Variants in MAGI2 observed in about 807,000 individuals in gnomAD.
The protein encoded by MAGI2 is membrane associated guanylate kinase, WW and PDZ domain containing 2, also known as membrane-associated guanylate kinase, WW and PDZ domain-containing protein 2.
Under a neutral mutation model 133.3 loss-of-function variants are expected in MAGI2, and 35 were observed. That is an observed-to-expected ratio of 0.26 (90% CI 0.20 to 0.35). MAGI2 has a LOEUF of 0.35. Among genes scored for constraint, MAGI2 ranks in the 10% least tolerant of loss-of-function variants. The pLI, the probability that MAGI2 is intolerant of heterozygous loss-of-function variation, is 1.00. For synonymous variants in MAGI2, 729 were observed against 710.6 expected (o/e 1.03, Z -0.41); for missense variants, 1,636 against 1,863.4 (o/e 0.88, Z 2.25).
At chr7:78,658,197 G>A (rs1014033717) in intron 2 of MAGI2, among the ~76,000 whole-genome samples, 1 of 151,996 alleles carries the variant, frequency 6.6e-6, no homozygotes, top group African/African-American at 2.4e-5. Flanking sequence ...ATAAATTTTT[G>A]ACACAGGTGC....
chr7:78,807,979 C>A (rs1488238699), intron 2 of MAGI2, among the ~76,000 whole-genome samples: 1 of 152,076 alleles, frequency 6.6e-6, no homozygotes, highest in Non-Finnish European at 1.5e-5. Flanking sequence ...CTTCGATACT[C>A]CTTAAGCTAC....
At chr7:79,388,924 G>T (rs1452750535) in intron 1 of MAGI2, among the ~76,000 whole-genome samples, 2 of 150,860 alleles carry the variant, frequency 1.3e-5, no homozygotes, top group Non-Finnish European at 3.0e-5. Flanking sequence ...AGCAATGGTA[G>T]CATTATTAAA....
At chr7:79,270,911 G>GT (rs1201189994) in intron 1 of MAGI2, among the ~76,000 whole-genome samples, 1 of 151,934 alleles carries the variant, frequency 6.6e-6, no homozygotes, top group Non-Finnish European at 1.5e-5. Flanking sequence ...ATTTACCACT[G>GT]TTTTGAAACT....
chr7:78,850,019 G>A (rs997259513), intron 2 of MAGI2, among the ~76,000 whole-genome samples: 4 of 151,978 alleles, frequency 2.6e-5, no homozygotes, highest in Non-Finnish European at 4.4e-5. Context: ...ATAAATAGTT[G>A]CTGAATTTAA....
Position 78,744,664 on chromosome 7 carries a change from C to A in MAGI2, c.419-117425G>T, listed in dbSNP as rs117574254. Among the ~76,000 whole-genome samples the A allele has an allele frequency of 6.1e-3, 927 of 152,180 alleles. 5 individuals are homozygous for A. Among genetic ancestry groups the A allele is most frequent in the Non-Finnish European group, 0.011 (747 of 68,012 alleles). ...AATCTCTTCTACTTATAGATTTGTG[C>A]TTAATAGGTAAATTTTTATTTTAAG... On this transcript the variant is annotated intron_variant, in intron 2 of 21. Transcript: ENST00000354212.
chr7:78,276,050 A>C (rs1040623275), intron 9 of MAGI2, among the ~76,000 whole-genome samples: 28 of 152,190 alleles, frequency 1.8e-4, no homozygotes, highest in Non-Finnish European at 3.8e-4. Flanking sequence ...AGAAAGCATA[A>C]ACTCATATTT....
chr7:78,232,908 G>A (rs908596376), intron 10 of MAGI2, among the ~76,000 whole-genome samples: 2 of 152,160 alleles, frequency 1.3e-5, no homozygotes, highest in African/African-American at 4.8e-5. Flanking sequence ...TGAAGGCAGA[G>A]GTTTTTACAT....
At chr7:79,400,232 G>T (rs1845371905) in intron 1 of MAGI2, among the ~76,000 whole-genome samples, 1 of 151,976 alleles carries the variant, frequency 6.6e-6, no homozygotes, top group African/African-American at 2.4e-5. Context: ...TAGTATTACT[G>T]AATTAGTACA....
intron 1 of MAGI2, among the ~76,000 whole-genome samples, chr7:79,275,688 G>C (rs1285898528): frequency 6.6e-6 from 1 of 152,144 alleles, no homozygotes; most frequent in Admixed American, 6.5e-5. Context: ...TGCCTTCAAA[G>C]CATCACAGGA....
chr7:79,318,208 C>A (rs116863023), intron 1 of MAGI2, among the ~76,000 whole-genome samples: 1,934 of 152,182 alleles, frequency 0.013, 14 homozygotes, highest in Non-Finnish European at 0.019. Context: ...TATTCAGGTG[C>A]CAAAAGTTCA....
At chr7:78,056,531 G>A (rs1216084835) in intron 21 of MAGI2, among the ~76,000 whole-genome samples, 1 of 152,156 alleles carries the variant, frequency 6.6e-6, no homozygotes, top group Admixed American at 6.6e-5. Flanking sequence ...CATGGTTGGA[G>A]CTGGGAGCCA....
intron 2 of MAGI2, among the ~76,000 whole-genome samples, chr7:78,873,643 G>C (rs1315145177): frequency 6.6e-6 from 1 of 152,020 alleles, no homozygotes; most frequent in Non-Finnish European, 1.5e-5. Context: ...AATAATAATA[G>C]AAATAAAGTG....
chr7:78,051,588 T>C (rs1812005348), intron 21 of MAGI2, among the ~76,000 whole-genome samples: 1 of 152,098 alleles, frequency 6.6e-6, no homozygotes, highest in Non-Finnish European at 1.5e-5. Context: ...TGCTATAGTT[T>C]GGAGATACAT....
chr7:78,713,476 G>A (rs367718145), intron 2 of MAGI2, among the ~76,000 whole-genome samples: 2 of 152,144 alleles, frequency 1.3e-5, no homozygotes, highest in East Asian at 1.9e-4. Context: ...CTAACAGAAA[G>A]TGACCATTTC....
At chr7:78,086,281 A>T (rs1816631781) in intron 20 of MAGI2, among the ~76,000 whole-genome samples, 1 of 137,418 alleles carries the variant, frequency 7.3e-6, no homozygotes, top group Non-Finnish European at 1.5e-5. Context: ...TCTGTTGCCC[A>T]GGCTGGAGTG....
chr7:78,473,522 G>A (rs1351494691), intron 6 of MAGI2, among the ~76,000 whole-genome samples: 1 of 151,952 alleles, frequency 6.6e-6, no homozygotes, highest in Non-Finnish European at 1.5e-5. Flanking sequence ...AAATCCACAT[G>A]TAAAACAAGT....
chr7:78,719,024 A>G (rs899023785), intron 2 of MAGI2, among the ~76,000 whole-genome samples: 7 of 152,202 alleles, frequency 4.6e-5, no homozygotes, highest in Admixed American at 1.3e-4. Context: ...GTATTGAATA[A>G]CAGACTTGGC....
chr7:78,815,726 A>G (rs1234694402), intron 2 of MAGI2, among the ~76,000 whole-genome samples: 2 of 152,160 alleles, frequency 1.3e-5, no homozygotes, highest in African/African-American at 2.4e-5. Flanking sequence ...GGCATCACGA[A>G]TCTTGCTTAA....
intron 3 of MAGI2, among the ~76,000 whole-genome samples, chr7:78,593,532 C>T (rs776990269): frequency 1.3e-5 from 2 of 152,178 alleles, no homozygotes; most frequent in Non-Finnish European, 2.9e-5. Flanking sequence ...ACATGGGAAA[C>T]TCGACTGGGC....
Sources: allele counts gnomAD v4.1 joint callset (sites outside exome capture counted in the v4.1 genomes callset), GRCh38; gene constraint gnomAD v4.1.1; transcripts MANE v1.5; gene names NCBI Gene and HGNC (gene_info 2026-07-23, HGNC 2026-07-21).